Variants in ASPRV1 observed in about 807,000 individuals in gnomAD.
ASPRV1 encodes the protein retroviral-like aspartic protease 1.
ASPRV1 carries 7 observed loss-of-function variants against 11.0 expected under a neutral mutation model. That is an observed-to-expected ratio of 0.64 (90% CI 0.36 to 1.20). The LOEUF is 1.20. Ranked by LOEUF, ASPRV1 falls within the 50% of genes most tolerant of loss-of-function variation. ASPRV1 has a pLI of 0.02. For missense variants in ASPRV1, 299 were observed against 320.0 expected, an observed-to-expected ratio of 0.93 and a Z score of 0.50; for synonymous variants, 136 against 138.4, an observed-to-expected ratio of 0.98 and a Z score of 0.12.
chr2:70,019,774 G>A, the ASPRV1 span, among the ~76,000 whole-genome samples: 2 of 152,182 alleles, frequency 1.3e-5, no homozygotes, highest in Admixed American at 1.3e-4. Context: ...GGGGAGATTG[G>A]AAGGATGTTG....
At chr2:69,937,816 A>G in the ASPRV1 span, among the ~76,000 whole-genome samples, 1 of 152,064 alleles carries the variant, frequency 6.6e-6, no homozygotes, top group Non-Finnish European at 1.5e-5. Flanking sequence ...GTTTCACCAT[A>G]TTGGCCAGGC....
the ASPRV1 span, among the ~76,000 whole-genome samples, chr2:69,933,972 C>T: frequency 1.3e-5 from 2 of 152,246 alleles, no homozygotes; most frequent in African/African-American, 4.8e-5. Flanking sequence ...ACTCTGAGCA[C>T]TGCTGAAGGT....
chr2:70,022,797 T>C, the ASPRV1 span, among the ~76,000 whole-genome samples: 136 of 152,194 alleles, frequency 8.9e-4, no homozygotes, highest in African/African-American at 3.2e-3. Context: ...TGCCAAGATG[T>C]ATACTCATCA....
chr2:69,983,970 C>T, the ASPRV1 span, among the ~76,000 whole-genome samples: 3 of 152,168 alleles, frequency 2.0e-5, no homozygotes, highest in African/African-American at 4.8e-5. Context: ...AAACCCCAGT[C>T]CCTCCTTTCC....
chr2:69,960,633 G>A lies in ASPRV1; in HGVS notation c.*24C>T. The stretch of plus-strand genomic sequence containing the variant: ...CGGTGGGTCTTCCCACCAATATTTA[G>A]GAGGTTAAAGAAAAGGTGGCTTCTC... On this transcript the variant is annotated 3_prime_UTR_variant, in exon 1 of 1. Transcript: ENST00000320256. 1 of 1,591,680 alleles carries A rather than the reference G, an allele frequency of 6.3e-7. No homozygotes were observed. The highest frequency in any genetic ancestry group is 8.5e-7 in the Non-Finnish European group (1 of 1,170,678).
the ASPRV1 span, among the ~76,000 whole-genome samples, chr2:70,036,516 G>A: frequency 7.2e-5 from 11 of 152,144 alleles, no homozygotes; most frequent in Admixed American, 6.5e-4. Context: ...CAGGCAGGAA[G>A]AGGAGAACAG....
At chr2:69,935,303 T>G in the ASPRV1 span, 6 of 1,384,454 alleles carry the variant, frequency 4.3e-6, no homozygotes, top group Non-Finnish European at 6.2e-6. Flanking sequence ...GGGGTGCTTC[T>G]GGCCCACTGT....
chr2:70,005,698 T>A, the ASPRV1 span, among the ~76,000 whole-genome samples: 3 of 152,314 alleles, frequency 2.0e-5, no homozygotes, highest in Admixed American at 6.5e-5. Context: ...GTCTTCAACA[T>A]CCTTAATTTC....
chr2:70,069,561 G>A, the ASPRV1 span, among the ~76,000 whole-genome samples: 1 of 152,154 alleles, frequency 6.6e-6, no homozygotes, highest in African/African-American at 2.4e-5. Flanking sequence ...TAGAGCTTCG[G>A]GGTAGCTCAA....
chr2:70,082,435 G>A, the ASPRV1 span, among the ~76,000 whole-genome samples: 3 of 152,116 alleles, frequency 2.0e-5, no homozygotes, highest in African/African-American at 7.2e-5. Context: ...ATTAGGCCGG[G>A]TGCGGTGGCT....
At chr2:69,946,503 C>G in the ASPRV1 span, among the ~76,000 whole-genome samples, 1 of 152,200 alleles carries the variant, frequency 6.6e-6, no homozygotes, top group Non-Finnish European at 1.5e-5. Context: ...AGTATGCAAA[C>G]AGCTTTTCCC....
At chr2:70,025,135 AACAGACACTAG>A in the ASPRV1 span, among the ~76,000 whole-genome samples, 1 of 152,150 alleles carries the variant, frequency 6.6e-6, no homozygotes, top group Admixed American at 6.5e-5. Flanking sequence ...GTATTATCTC[AACAGACACTAG>A]ACAGACACTA....
At chr2:69,937,743 C>G in the ASPRV1 span, among the ~76,000 whole-genome samples, 1 of 152,092 alleles carries the variant, frequency 6.6e-6, no homozygotes, top group Non-Finnish European at 1.5e-5. Flanking sequence ...GCCTCCCAAG[C>G]AGCTGGGATT....
chr2:69,938,254 G>A, the ASPRV1 span: 1 of 1,614,196 alleles, frequency 6.2e-7, no homozygotes, highest in Non-Finnish European at 8.5e-7. Flanking sequence ...TAAAGCTGCA[G>A]GACAGTCACA....
chr2:70,000,788 C>CAAA, the ASPRV1 span, among the ~76,000 whole-genome samples: 130 of 42,040 alleles, frequency 3.1e-3, 4 homozygotes, highest in South Asian at 5.4e-3. Flanking sequence ...GACCCTGCCT[C>CAAA]AAAAAAAAAA....
At chr2:70,047,032 CCT>C in the ASPRV1 span, among the ~76,000 whole-genome samples, 5 of 152,188 alleles carry the variant, frequency 3.3e-5, no homozygotes, top group Middle Eastern at 6.8e-3. Flanking sequence ...TAATCTGGCC[CCT>C]GACTTCAGGA....
At chr2:69,979,027 G>A in the ASPRV1 span, among the ~76,000 whole-genome samples, 5 of 152,094 alleles carry the variant, frequency 3.3e-5, no homozygotes, top group South Asian at 6.2e-4. Context: ...TGCAGGGGAC[G>A]TGTTTTTTGT....
Position 69,961,180 on chromosome 2 carries a change from T to C in ASPRV1, c.257A>G (p.Lys86Arg). 6.2e-7 allele frequency: 1 copy of C among 1,613,824 alleles called. No individual in the cohort carries two copies. ...DYGTVKEALL[K>R]AFGVPGAAPS... ...GGCAGCCCCAGGGACCCCAAAGGCC[T>C]TCAGGAGGGCCTCTTTCACAGTCCC... Residue 86 changes from lysine to arginine, a missense_variant, in exon 1 of 1, where the codon AAG (lysine) becomes AGG (arginine). Transcript: ENST00000320256.
At chr2:69,942,971 C>T in the ASPRV1 span, 1 of 152,156 alleles carries the variant, frequency 6.6e-6, no homozygotes, top group East Asian at 1.9e-4. Flanking sequence ...TGTTTTGTAT[C>T]ACAATTTACC....
Sources: allele counts gnomAD v4.1 joint callset (sites outside exome capture counted in the v4.1 genomes callset), GRCh38; gene constraint gnomAD v4.1.1; transcripts MANE v1.5; gene names NCBI Gene and HGNC (gene_info 2026-07-23, HGNC 2026-07-21).